The following ERGIC2 variants were observed in gnomAD, a reference collection of about 807,000 sequenced individuals.
The protein encoded by ERGIC2 is endoplasmic reticulum-Golgi intermediate compartment protein 2.
Under a neutral mutation model 52.5 loss-of-function variants are expected in ERGIC2, and 31 were observed. That is an observed-to-expected ratio of 0.59 (90% CI 0.44 to 0.80). The LOEUF is 0.80. ERGIC2 is among the 30% of genes least tolerant of loss of function. The pLI, the probability that ERGIC2 is intolerant of heterozygous loss-of-function variation, is 0.00. For synonymous variants in ERGIC2, 129 were observed against 140.6 expected, an observed-to-expected ratio of 0.92 and a Z score of 0.58; for missense variants, 395 against 455.2, an observed-to-expected ratio of 0.87 and a Z score of 1.20.
chr12:29,362,688 C>T (rs1337598211), intron 5 of ERGIC2, among the ~76,000 whole-genome samples: 2 of 152,076 alleles, frequency 1.3e-5, no homozygotes, highest in African/African-American at 4.8e-5. Context: ...CTGGAACATG[C>T]CTCTCCGGTA....
In ERGIC2 at chr12:29,340,444, T is replaced by C. The variant is rs1355522799; in HGVS notation, c.*712A>G. 1.9e-5 allele frequency: 3 copies of C among 154,452 alleles called. No individual in the cohort carries two copies. The highest frequency in any genetic ancestry group is 7.2e-5 in the African/African-American group (3 of 41,464). The allele number at this position is 154,452 out of a possible 1,614,324, so 9.6% of individuals were successfully genotyped here. On this transcript the variant is annotated 3_prime_UTR_variant, in exon 14 of 14. Coordinates refer to ENST00000360150, the MANE Select transcript of ERGIC2 (RefSeq NM_016570.3). ...CGTGTATAAGATTCTACTATACCATTTGTGAATGACACCCTAGTTACATAA... is the reference window on the plus strand; with the variant it reads ...CGTGTATAAGATTCTACTATACCATCTGTGAATGACACCCTAGTTACATAA...
At chr12:29,345,585 C>T (rs753371617) in intron 10 of ERGIC2, 45 bp from the exon 11 acceptor site, 1 of 961,508 alleles carries the variant, frequency 1.0e-6, no homozygotes, top group Non-Finnish European at 1.7e-6. Flanking sequence ...AGCAACAAAA[C>T]TACTGCCAAA....
chr12:29,345,995 C>T (rs1021717621), intron 10 of ERGIC2, among the ~76,000 whole-genome samples: 18 of 151,650 alleles, frequency 1.2e-4, no homozygotes, highest in Non-Finnish European at 2.1e-4. Flanking sequence ...ATGTTACATA[C>T]AACTTAATGT....
At chr12:29,371,297 A>T (rs1011024009) in intron 2 of ERGIC2, among the ~76,000 whole-genome samples, 2 of 152,220 alleles carry the variant, frequency 1.3e-5, no homozygotes, top group African/African-American at 4.8e-5. Context: ...GGTTTAATGT[A>T]TTAATGTTTT....
chr12:29,337,958 G>A lies in ERGIC2; in HGVS notation c.*3198C>T, dbSNP rs1949808523. 1 of 152,370 alleles carries A rather than the reference G, an allele frequency of 6.6e-6. No homozygotes were observed. The highest frequency in any genetic ancestry group is 6.6e-5 in the Admixed American group (1 of 15,262). 9.4% of individuals were successfully genotyped at this position (152,370 alleles called of 1,614,324 possible). A position where few individuals can be genotyped will look rare whatever the true frequency, so the allele number is the denominator to read the frequency against. On this transcript the variant is annotated 3_prime_UTR_variant, in exon 14 of 14. Coordinates refer to ENST00000360150, the MANE Select transcript of ERGIC2 (RefSeq NM_016570.3). ...GGAGGCCAAGGTGGGCGGATCATGA[G>A]GTCAGGAGATTGAGACCATCCTGGC...
chr12:29,353,802 A>G (rs1940167048), intron 8 of ERGIC2, among the ~76,000 whole-genome samples: 1 of 152,064 alleles, frequency 6.6e-6, no homozygotes, highest in African/African-American at 2.4e-5. Context: ...TCAAAAAATT[A>G]AATTTAAAAA....
intron 5 of ERGIC2, among the ~76,000 whole-genome samples, chr12:29,362,952 A>T (rs377382754): frequency 1.4e-4 from 22 of 152,284 alleles, no homozygotes; most frequent in African/African-American, 5.3e-4. Flanking sequence ...CGACTATATG[A>T]TTTTTCCTTT....
Position 29,337,488 on chromosome 12 carries a change from T to C in ERGIC2, c.*3668A>G, listed in dbSNP as rs1591983203. 6.6e-6 allele frequency: 1 copy of C among 152,144 alleles called. No individual in the cohort carries two copies. Among genetic ancestry groups the C allele is most frequent in the East Asian group, 1.9e-4 (1 of 5,200 alleles). 9.4% of individuals were successfully genotyped at this position (152,144 alleles called of 1,614,324 possible). A position where few individuals can be genotyped will look rare whatever the true frequency, so the allele number is the denominator to read the frequency against. Reference sequence around the variant, plus strand: ...AAATGTAAAGTGATTTCATCAGTAATATTTCAGAAAGTAGAAAAAAACTAT... The same window carrying C: ...AAATGTAAAGTGATTTCATCAGTAACATTTCAGAAAGTAGAAAAAAACTAT... On this transcript the variant is annotated 3_prime_UTR_variant, in exon 14 of 14. Transcript: ENST00000360150.
chr12:29,343,771 A>G (rs1949856957), intron 11 of ERGIC2, among the ~76,000 whole-genome samples: 1 of 152,178 alleles, frequency 6.6e-6, no homozygotes, highest in Non-Finnish European at 1.5e-5. Context: ...AAAGCTCTAA[A>G]ATGCTCAATA....
At chr12:29,356,060 C>T (rs1049410332) in intron 8 of ERGIC2, among the ~76,000 whole-genome samples, 4 of 151,640 alleles carry the variant, frequency 2.6e-5, no homozygotes, top group South Asian at 4.1e-4. Flanking sequence ...TTTTGCTCAT[C>T]GCCCAGGCTG....
At chr12:29,360,178 A>G (rs1940263815) in intron 6 of ERGIC2, among the ~76,000 whole-genome samples, 1 of 152,094 alleles carries the variant, frequency 6.6e-6, no homozygotes, top group Non-Finnish European at 1.5e-5. Context: ...TTGGGAGGAT[A>G]TAGGCACTAT....
rs1940422711 is a variant in ERGIC2, at chr12:29,370,211, C to T, written c.118G>A (p.Ala40Thr). The T allele has an allele frequency of 6.5e-7, 1 of 1,538,896 alleles. No individual in the cohort carries two copies. The highest frequency in any genetic ancestry group is 8.7e-7 in the Non-Finnish European group (1 of 1,154,690). ...SASGGTVSLI[A>T]FTTMALLTIM... ...GTTAATAAAGCCATAGTTGTAAATG[C>T]TATTAGAGAAACTGGGAAATCCAAC... The change falls in exon 3 of 14, where the codon GCA becomes ACA. Residue 40 changes from alanine (A) to threonine (T), a missense_variant. Physicochemically the swap from Ala to Thr is moderately conservative, Grantham distance 58. Coordinates refer to ENST00000360150, the MANE Select transcript of ERGIC2 (RefSeq NM_016570.3).
intron 3 of ERGIC2, among the ~76,000 whole-genome samples, chr12:29,368,798 G>C (rs1333652260): frequency 6.6e-6 from 1 of 151,894 alleles, no homozygotes; most frequent in African/African-American, 2.4e-5. Flanking sequence ...GTTCACGGTA[G>C]TGTAAATACC....
intron 1 of ERGIC2, among the ~76,000 whole-genome samples, chr12:29,375,960 T>C (rs1940509258): frequency 6.6e-6 from 1 of 152,246 alleles, no homozygotes; most frequent in Non-Finnish European, 1.5e-5. Context: ...CAATAACTTC[T>C]AGCTTTTCTA....
chr12:29,355,291 G>A (rs1362951907), intron 8 of ERGIC2, among the ~76,000 whole-genome samples: 1 of 152,110 alleles, frequency 6.6e-6, no homozygotes, highest in Non-Finnish European at 1.5e-5. Flanking sequence ...CTTAAGTGTG[G>A]ATTTTCTTAT....
At chr12:29,364,763 T>A (rs374592682) in intron 5 of ERGIC2, among the ~76,000 whole-genome samples, 1 of 151,566 alleles carries the variant, frequency 6.6e-6, no homozygotes, top group African/African-American at 2.4e-5. Context: ...AAATTGAACA[T>A]GTAAAAAACA....
chr12:29,369,205 T>A (rs1165792884), intron 3 of ERGIC2, among the ~76,000 whole-genome samples: 5 of 151,902 alleles, frequency 3.3e-5, no homozygotes, highest in African/African-American at 1.2e-4. Flanking sequence ...CTTCTGCATA[T>A]CCTCACCATG....
intron 11 of ERGIC2, 90 bp from the exon 12 acceptor site, chr12:29,343,372 A>C: frequency 1.1e-6 from 1 of 922,364 alleles, no homozygotes; most frequent in South Asian, 2.4e-5. Context: ...TTCAATATTA[A>C]GCCCTGAAGC....
rs368454190 is a variant in ERGIC2 at position 29,341,745 on chromosome 12, G to A, written c.1060C>T (p.Pro354Ser). ...CCRFRLGSYK[P>S]VNSVPFEDGH... is the part of the protein sequence containing the mutation. The stretch of plus-strand genomic sequence containing the variant: ...ACTACACCACTTACAGAATTGACAG[G>A]TTTATAGGATCCAAGTCTGAAACGA... The change falls in exon 13 of 14, where the codon CCT (proline) becomes TCT (serine). Residue 354 changes from proline (P) to serine (S), a missense_variant. Coordinates refer to ENST00000360150, the MANE Select transcript of ERGIC2 (RefSeq NM_016570.3). 1.6e-5 allele frequency: 26 copies of A among 1,579,296 alleles called. No homozygotes were observed. The African/African-American group carries it at 3.4e-4, about 20-fold the overall frequency.
Sources: allele counts gnomAD v4.1 joint callset (sites outside exome capture counted in the v4.1 genomes callset), GRCh38; gene constraint gnomAD v4.1.1; transcripts MANE v1.5; gene names NCBI Gene and HGNC (gene_info 2026-07-23, HGNC 2026-07-21).